C2CD3: variants seen among roughly 807,000 people sequenced by gnomAD.
The protein encoded by C2CD3 is C2 domain-containing protein 3.
Under a neutral mutation model 234.0 loss-of-function variants are expected in C2CD3, and 148 were observed. That is an observed-to-expected ratio of 0.63 (90% CI 0.55 to 0.72). The LOEUF is 0.72. Among genes scored for constraint, C2CD3 ranks in the 30% least tolerant of loss-of-function variants. The pLI is 0.00. For synonymous variants in C2CD3, 1,000 were observed against 1,035.4 expected, an observed-to-expected ratio of 0.97 and a Z score of 0.66; for missense variants, 2,577 against 2,811.5, an observed-to-expected ratio of 0.92 and a Z score of 1.89.
intron 32 of C2CD3, among the ~76,000 whole-genome samples, chr11:74,026,300 C>T (rs1019276722): frequency 1.3e-5 from 2 of 150,130 alleles, no homozygotes; most frequent in African/African-American, 5.0e-5. Flanking sequence ...GTGTGAGACC[C>T]TGTCTCAAGG....
chr11:74,157,472 TAACATTTA>T (rs1469777576), intron 3 of C2CD3, among the ~76,000 whole-genome samples: 1 of 152,190 alleles, frequency 6.6e-6, no homozygotes, highest in African/African-American at 2.4e-5. Flanking sequence ...GTCACTATTT[TAACATTTA>T]ATATATTATA....
intron 22 of C2CD3, among the ~76,000 whole-genome samples, chr11:74,079,729 T>G (rs1232310817): frequency 1.3e-5 from 2 of 152,068 alleles, no homozygotes; most frequent in Admixed American, 6.6e-5. Flanking sequence ...AGCTAGAATT[T>G]GACTCCAGGT....
chr11:74,054,739 G>T, intron 25 of C2CD3, 68 bp from the exon 26 acceptor site: 1 of 1,065,872 alleles, frequency 9.4e-7, no homozygotes. Flanking sequence ...ACTTAGATTT[G>T]AAGAATATCT....
At chr11:74,106,292 T>G (rs1956515212) in intron 13 of C2CD3, 79 bp downstream of exon 13, 2 of 1,411,244 alleles carry the variant, frequency 1.4e-6, no homozygotes, top group Non-Finnish European at 2.0e-6. Context: ...CTTTTCTTGT[T>G]CACTGCTATA....
intron 12 of C2CD3, 112 bp from the exon 13 acceptor site, chr11:74,106,605 A>C: frequency 1.0e-6 from 1 of 1,002,472 alleles, no homozygotes; most frequent in Non-Finnish European, 1.5e-6. Flanking sequence ...AGGAAGAAAA[A>C]AGCTTAATTA....
At chr11:74,164,334 G>A (rs1856670680) in intron 2 of C2CD3, 1 of 653,420 alleles carries the variant, frequency 1.5e-6, no homozygotes, top group Non-Finnish European at 1.9e-6. Context: ...ACATTTTCAT[G>A]GCTGCTATTT....
intron 7 of C2CD3, among the ~76,000 whole-genome samples, chr11:74,125,190 G>C (rs1158085310): frequency 1.3e-5 from 2 of 152,102 alleles, no homozygotes; most frequent in African/African-American, 4.8e-5. Flanking sequence ...TTAGAGACAT[G>C]GTATTGCTTT....
At chr11:74,097,203 T>C (rs1378849336) in intron 16 of C2CD3, among the ~76,000 whole-genome samples, 1 of 151,820 alleles carries the variant, frequency 6.6e-6, no homozygotes, top group Admixed American at 6.6e-5. Context: ...GTTCATAATA[T>C]ACAAATAAAC....
At position 74,074,566 on chromosome 11, in the gene C2CD3, G is replaced by GT; in HGVS notation, c.4637dup (p.Asn1546LysfsTer21). 1 of 1,614,090 alleles carries GT rather than the reference G, an allele frequency of 6.2e-7. No individual in the cohort carries two copies. The highest frequency in any genetic ancestry group is 8.5e-7 in the Non-Finnish European group (1 of 1,179,990). ...GAACTCGCAAGGCAGCTCCTGAGAG[G>GT]TTGGAAGCATTTCGTCCAAACAGAG... On this transcript the variant is annotated frameshift_variant, in exon 24 of 33. Transcript: ENST00000334126. LOFTEE classifies it high-confidence loss of function.
At chr11:74,141,058 A>G (rs1380784762) in intron 3 of C2CD3, among the ~76,000 whole-genome samples, 1 of 152,266 alleles carries the variant, frequency 6.6e-6, no homozygotes, top group Non-Finnish European at 1.5e-5. Context: ...TTCAGTTTCA[A>G]TGACAAAGAA....
In C2CD3 at chr11:74,147,178, G is replaced by A. The variant is rs1855264082; in HGVS notation, c.484-7350C>T. ...CACAAATAATTCCAGCATTTTGAGA[G>A]GCAGAGACAGGAGGATTGCTTAAGC... On this transcript the variant is annotated intron_variant, in intron 3 of 32. Transcript: ENST00000334126. Among the ~76,000 whole-genome samples, 3 of 152,194 alleles carry A rather than the reference G, an allele frequency of 2.0e-5. No homozygotes were observed. In the South Asian group the frequency reaches 6.2e-4, roughly 32 times the overall value.
At chr11:74,043,016 T>C (rs1953149782) in intron 28 of C2CD3, among the ~76,000 whole-genome samples, 1 of 152,248 alleles carries the variant, frequency 6.6e-6, no homozygotes, top group African/African-American at 2.4e-5. Flanking sequence ...ATAATTCACA[T>C]GCCATACAAT....
intron 7 of C2CD3, among the ~76,000 whole-genome samples, 167 bp from the exon 8 acceptor site, chr11:74,123,302 C>A (rs1957285248): frequency 6.6e-6 from 1 of 152,180 alleles, no homozygotes; most frequent in Non-Finnish European, 1.5e-5. Flanking sequence ...AATTATACTA[C>A]CCCTCCTCTG....
intron 3 of C2CD3, among the ~76,000 whole-genome samples, chr11:74,156,691 C>T (rs912840457): frequency 5.3e-5 from 8 of 152,210 alleles, no homozygotes; most frequent in South Asian, 4.2e-4. Flanking sequence ...ACCCTGTGGC[C>T]GGGCACAGTG....
intron 13 of C2CD3, among the ~76,000 whole-genome samples, chr11:74,104,824 A>C (rs1406370461): frequency 1.3e-5 from 2 of 152,170 alleles, no homozygotes; most frequent in African/African-American, 4.8e-5. Flanking sequence ...ACAGCAATCT[A>C]TCCAGAATAG....
At chr11:74,131,588 C>CTT (rs201739327) in intron 7 of C2CD3, among the ~76,000 whole-genome samples, 12 of 146,002 alleles carry the variant, frequency 8.2e-5, no homozygotes, top group South Asian at 2.2e-4. Flanking sequence ...GTTTTTCTTT[C>CTT]TTTTTTTTTT....
intron 14 of C2CD3, among the ~76,000 whole-genome samples, chr11:74,101,811 G>A (rs1045251605): frequency 6.6e-6 from 1 of 152,074 alleles, no homozygotes; most frequent in Non-Finnish European, 1.5e-5. Flanking sequence ...ATAAGGGGAA[G>A]AGTGGCAGGA....
intron 32 of C2CD3, among the ~76,000 whole-genome samples, chr11:74,020,492 T>C (rs537360796): frequency 7.9e-5 from 12 of 152,370 alleles, no homozygotes; most frequent in East Asian, 7.7e-4. Flanking sequence ...TCAGTGCTAA[T>C]ATAGGCAAAT....
At chr11:74,072,352 T>C (rs1954836469) in intron 24 of C2CD3, among the ~76,000 whole-genome samples, 1 of 152,162 alleles carries the variant, frequency 6.6e-6, no homozygotes, top group African/African-American at 2.4e-5. Flanking sequence ...GAATGAGAGA[T>C]AAATAATAGT....
Sources: allele counts gnomAD v4.1 joint callset (sites outside exome capture counted in the v4.1 genomes callset), GRCh38; gene constraint gnomAD v4.1.1; transcripts MANE v1.5; gene names NCBI Gene and HGNC (gene_info 2026-07-23, HGNC 2026-07-21).